Variants in LDB2 observed in about 807,000 individuals in gnomAD.
The protein encoded by LDB2 is LIM domain binding 2, also known as LIM domain-binding protein 2.
A neutral mutation model predicts 44.3 loss-of-function variants in LDB2; 12 were observed. The observed-to-expected ratio is 0.27, with a 90% CI of 0.17 to 0.44. The LOEUF is 0.44. Ranked by LOEUF, LDB2 falls within the 20% of genes least tolerant of loss-of-function variation. The pLI is 1.00. For missense variants in LDB2, 344 were observed against 473.5 expected (o/e 0.73, Z 2.54); for synonymous variants, 164 against 174.8 (o/e 0.94, Z 0.49).
intron 5 of LDB2, among the ~76,000 whole-genome samples, chr4:16,518,855 A>G (rs956519681): frequency 2.6e-5 from 4 of 152,210 alleles, no homozygotes; most frequent in Non-Finnish European, 4.4e-5. Flanking sequence ...ATGCCCAGTG[A>G]AATAGTTGAG....
rs1055857588 is a variant in LDB2, at chr4:16,697,462, A to C, written c.235+61696T>G. Among the ~76,000 whole-genome samples the C allele has an allele frequency of 3.2e-4, 44 of 138,436 alleles. 1 individual carries two copies. Among genetic ancestry groups the C allele is most frequent in the Non-Finnish European group, 5.7e-4 (35 of 61,686 alleles). The allele number at this position is 138,436 out of a possible 152,430, so 90.8% of individuals were successfully genotyped here. ...GGGCGACAGAGCAAGACTCCGTCCC[A>C]AAAAAAAAAACAACTCTCCTAAGGC... On this transcript the variant is annotated intron_variant, in intron 2 of 7. Transcript: ENST00000304523.
intron 1 of LDB2, among the ~76,000 whole-genome samples, chr4:16,880,701 C>A (rs775161325): frequency 2.6e-5 from 4 of 151,932 alleles, no homozygotes; most frequent in Non-Finnish European, 4.4e-5. Context: ...GTCAGGAGAT[C>A]GAGACCATCC....
chr4:16,577,689 A>G (rs1712312629), intron 5 of LDB2, among the ~76,000 whole-genome samples: 2 of 152,280 alleles, frequency 1.3e-5, no homozygotes, highest in Admixed American at 1.3e-4. Context: ...CAAAATACCA[A>G]TGACATTCTT....
chr4:16,774,277 T>C (rs1771408660), intron 1 of LDB2, among the ~76,000 whole-genome samples: 1 of 152,138 alleles, frequency 6.6e-6, no homozygotes, highest in African/African-American at 2.4e-5. Context: ...TGTCCTGCCT[T>C]GATCCTAACG....
At chr4:16,817,157 T>C (rs529023516) in intron 1 of LDB2, among the ~76,000 whole-genome samples, 5 of 152,328 alleles carry the variant, frequency 3.3e-5, no homozygotes, top group East Asian at 1.9e-4. Flanking sequence ...CTTCAAAACA[T>C]ATTTTTGTAA....
At chr4:16,820,464 G>T (rs1482196767) in intron 1 of LDB2, among the ~76,000 whole-genome samples, 1 of 152,232 alleles carries the variant, frequency 6.6e-6, no homozygotes, top group East Asian at 1.9e-4. Flanking sequence ...GTGTTATAGA[G>T]GGGGAAAAAC....
chr4:16,806,757 G>A (rs1778865969), intron 1 of LDB2, among the ~76,000 whole-genome samples: 1 of 152,184 alleles, frequency 6.6e-6, no homozygotes, highest in Non-Finnish European at 1.5e-5. Flanking sequence ...ATGCAACTTA[G>A]GAGTAAGCTC....
At chr4:16,719,765 T>C (rs911258528) in intron 2 of LDB2, among the ~76,000 whole-genome samples, 1 of 152,128 alleles carries the variant, frequency 6.6e-6, no homozygotes, top group African/African-American at 2.4e-5. Context: ...TGTTGTTTTT[T>C]ATCCCATAAT....
intron 5 of LDB2, among the ~76,000 whole-genome samples, chr4:16,578,809 A>G (rs1712978702): frequency 6.6e-6 from 1 of 152,256 alleles, no homozygotes; most frequent in African/African-American, 2.4e-5. Context: ...CTGTCAACAG[A>G]CAAATGAATA....
chr4:16,874,590 G>A (rs555974175), intron 1 of LDB2, among the ~76,000 whole-genome samples: 16 of 152,286 alleles, frequency 1.1e-4, no homozygotes, highest in Admixed American at 6.5e-4. Context: ...GGGAGAGTGC[G>A]CATCCAACAA....
chr4:16,743,244 C>T (rs370220589), intron 2 of LDB2, among the ~76,000 whole-genome samples: 10 of 152,168 alleles, frequency 6.6e-5, no homozygotes, highest in African/African-American at 1.7e-4. Flanking sequence ...GAGCCGGGAT[C>T]GCACCACTGC....
Position 16,753,615 on chromosome 4 carries a change from A to G in LDB2, c.235+5543T>C, listed in dbSNP as rs531845226. 2.0e-5 allele frequency among the ~76,000 whole-genome samples: 3 copies of G among 152,342 alleles called. No individual in the cohort carries two copies. The East Asian group carries it at 5.8e-4, about 29-fold the overall frequency. On this transcript the variant is annotated intron_variant, in intron 2 of 7. Transcript: ENST00000304523. ...CACAGAGAGTGATGACATTTCTTAA[A>G]ACAACTTTTCTCTTTTTGGAGAGCG...
intron 1 of LDB2, among the ~76,000 whole-genome samples, chr4:16,836,542 G>T (rs1472749239): frequency 6.6e-6 from 1 of 152,114 alleles, no homozygotes; most frequent in Non-Finnish European, 1.5e-5. Context: ...ATTGATCTCT[G>T]CTGCAAACTG....
intron 5 of LDB2, among the ~76,000 whole-genome samples, chr4:16,550,693 C>A (rs1437900880): frequency 6.6e-6 from 1 of 152,158 alleles, no homozygotes; most frequent in Admixed American, 6.5e-5. Context: ...TTGGCACAAG[C>A]CTTTTGGAAA....
intron 2 of LDB2, among the ~76,000 whole-genome samples, chr4:16,694,255 T>C (rs1751561328): frequency 2.0e-5 from 3 of 152,192 alleles, no homozygotes; most frequent in Non-Finnish European, 4.4e-5. Context: ...AAAACAGCAC[T>C]TTACAAACAC....
intron 2 of LDB2, among the ~76,000 whole-genome samples, chr4:16,669,056 T>C (rs1744058854): frequency 6.6e-6 from 1 of 152,154 alleles, no homozygotes; most frequent in Non-Finnish European, 1.5e-5. Context: ...TAGGTGGTGC[T>C]CAGAGGAAAA....
chr4:16,505,711 TGAGA>T lies in LDB2; in HGVS notation c.891+2820_891+2823del, dbSNP rs935160003. On this transcript the variant is annotated intron_variant, in intron 7 of 7. Coordinates refer to ENST00000304523, the MANE Select transcript of LDB2 (RefSeq NM_001290.5). ...CCACGAGAGACAACAGCGAGCCATC[TGAGA>T]GAGGTCCATATGCCCTCAGCTCCCC... 3 of 784,954 alleles carry T rather than the reference TGAGA, an allele frequency of 3.8e-6. No homozygotes were observed. In the African/African-American group the frequency reaches 5.3e-5, roughly 14 times the overall value. The allele number at this position is 784,954 out of a possible 1,614,324, so 48.6% of individuals were successfully genotyped here. A position where few individuals can be genotyped will look rare whatever the true frequency, so the allele number is the denominator to read the frequency against.
chr4:16,819,845 T>C (rs1355802006), intron 1 of LDB2, among the ~76,000 whole-genome samples: 4 of 152,206 alleles, frequency 2.6e-5, no homozygotes, highest in East Asian at 1.9e-4. Context: ...TCTACAAATG[T>C]TGACAAGCAC....
intron 1 of LDB2, among the ~76,000 whole-genome samples, chr4:16,839,977 T>G (rs1785563210): frequency 6.6e-6 from 1 of 152,180 alleles, no homozygotes; most frequent in Non-Finnish European, 1.5e-5. Flanking sequence ...GTGCACTAAG[T>G]CTTTTTGGCT....
Sources: gnomAD v4.1 joint callset for allele counts (sites outside exome capture counted in the v4.1 genomes callset) on GRCh38, gnomAD v4.1.1 for gene constraint, MANE v1.5 for transcripts, NCBI Gene and HGNC (gene_info 2026-07-23, HGNC 2026-07-21) for gene names.